The following HS6ST2 variants were observed in gnomAD, a reference collection of about 807,000 sequenced individuals.
The protein encoded by HS6ST2 is heparan-sulfate 6-O-sulfotransferase 2.
HS6ST2 carries 17 observed loss-of-function variants against 33.0 expected under a neutral mutation model. The observed-to-expected ratio is 0.52, with a 90% confidence interval of 0.35 to 0.77. The LOEUF (loss-of-function observed/expected upper bound fraction) is 0.77, where lower values mean the gene tolerates loss of function less well. HS6ST2 is among the 30% of genes least tolerant of loss of function. The probability of loss-of-function intolerance (pLI) is 0.01; values close to 1 mark genes in which losing one functional copy is unlikely to be tolerated. For missense variants in HS6ST2, 519 were observed against 551.7 expected (o/e 0.94, Z 0.59); for synonymous variants, 248 against 237.1 (o/e 1.05, Z -0.42).
At chrX:132,850,165 C>T (rs1416275058) in intron 2 of HS6ST2, among the ~76,000 whole-genome samples, 1 of 111,965 alleles carries the variant, frequency 8.9e-6, no homozygotes, top group East Asian at 2.8e-4. Context: ...TATAATGTTC[C>T]CTAAAAAGTT....
chrX:132,746,484 G>A (rs1039775151), intron 2 of HS6ST2, among the ~76,000 whole-genome samples: 2 of 110,260 alleles, frequency 1.8e-5, no homozygotes, highest in African/African-American at 6.6e-5. Context: ...GCAACAGAGC[G>A]AGACTCCGTC....
At chrX:132,823,853 A>AAATAATAATAATAATAATAATAATAAT (rs34008866) in intron 2 of HS6ST2, among the ~76,000 whole-genome samples, 1 of 92,542 alleles carries the variant, frequency 1.1e-5, no homozygotes, top group African/African-American at 4.0e-5. Flanking sequence ...ACTTCATAAA[A>AAATAATAATAATAATAATAATAATAAT]AATAATAATA....
At chrX:132,843,490 C>T (rs1488146548) in intron 2 of HS6ST2, among the ~76,000 whole-genome samples, 5 of 111,365 alleles carry the variant, frequency 4.5e-5, no homozygotes, top group African/African-American at 6.5e-5. Flanking sequence ...ATTTGGGCAT[C>T]AATGTGATGC....
intron 2 of HS6ST2, among the ~76,000 whole-genome samples, chrX:132,741,302 G>GTT (rs746132429): frequency 9.1e-4 from 88 of 96,974 alleles, no homozygotes; most frequent in African/African-American, 2.6e-3. Flanking sequence ...TTTTGGTTTT[G>GTT]TTTTTTTTTT....
chrX:132,807,548 T>C (rs1331193222), intron 2 of HS6ST2, among the ~76,000 whole-genome samples: 2 of 111,166 alleles, frequency 1.8e-5, no homozygotes, highest in Non-Finnish European at 3.8e-5. Context: ...CTTATTTCTG[T>C]CTTTACTCAA....
rs2063859712 is a variant in HS6ST2, at chrX:132,670,468, G to C, written c.981-1269C>G. Among the ~76,000 whole-genome samples the C allele has an allele frequency of 2.7e-5, 3 of 110,992 alleles. 1 individual carries two copies. The highest frequency in any genetic ancestry group is 1.9e-4 in the Admixed American group (2 of 10,391). On this transcript the variant is annotated intron_variant, in intron 3 of 4. Coordinates refer to ENST00000370833, the MANE Select transcript of HS6ST2 (RefSeq NM_001394073.1). ...GTGGGCATGGAAAAAGGCTGATCAG[G>C]AAAAGTCAGAGAGATAGCAACTGTC...
At chrX:132,830,862 A>G (rs1482884404) in intron 2 of HS6ST2, among the ~76,000 whole-genome samples, 4 of 111,637 alleles carry the variant, frequency 3.6e-5, no homozygotes, top group Non-Finnish European at 7.5e-5. Context: ...TTTTACACCC[A>G]GTGCAGGAAT....
chrX:132,877,297 C>G (rs939857047), intron 2 of HS6ST2, among the ~76,000 whole-genome samples: 1 of 112,232 alleles, frequency 8.9e-6, no homozygotes, highest in African/African-American at 3.2e-5. Flanking sequence ...GTCTATTTTA[C>G]AGATAAGAAA....
chrX:132,750,347 G>GA (rs1156312851), intron 2 of HS6ST2, among the ~76,000 whole-genome samples: 8,372 of 56,364 alleles, frequency 0.15, 839 homozygotes, highest in African/African-American at 0.33. Context: ...TGCCCATCAA[G>GA]AAAAAAAAAA....
chrX:132,676,832 C>T (rs1195588474), intron 3 of HS6ST2, among the ~76,000 whole-genome samples: 1 of 112,173 alleles, frequency 8.9e-6, no homozygotes, highest in East Asian at 2.8e-4. Flanking sequence ...AGAGAACAAT[C>T]AGCTGTATCC....
At chrX:132,938,118 T>C (rs1044823705) in intron 2 of HS6ST2, among the ~76,000 whole-genome samples, 3 of 104,355 alleles carry the variant, frequency 2.9e-5, no homozygotes, top group African/African-American at 1.1e-4. Flanking sequence ...GCCATGATCA[T>C]GCCACTGCAC....
In HS6ST2 at chrX:132,782,343, G is replaced by A. The variant is rs188632042; in HGVS notation, c.948-73849C>T. ...CTCAAAAGATCTCTGTCAGCGGCAT[G>A]GAAAACAGACTCATGCAGTGAAGCA... On this transcript the variant is annotated intron_variant, in intron 2 of 4. Transcript: ENST00000370833. Among the ~76,000 whole-genome samples the A allele has an allele frequency of 1.2e-3, 137 of 111,972 alleles. 1 individual carries two copies. The highest frequency in any genetic ancestry group is 4.1e-3 in the African/African-American group (125 of 30,864).
At chrX:132,794,911 T>G (rs1360282642) in intron 2 of HS6ST2, among the ~76,000 whole-genome samples, 1 of 110,298 alleles carries the variant, frequency 9.1e-6, no homozygotes, top group African/African-American at 3.3e-5. Flanking sequence ...CCCGAAGTAC[T>G]GGGGGCCACC....
At chrX:132,811,723 TA>T in intron 2 of HS6ST2, among the ~76,000 whole-genome samples, 1 of 92,396 alleles carries the variant, frequency 1.1e-5, no homozygotes, top group African/African-American at 3.9e-5. Flanking sequence ...TATATATATA[TA>T]TCACATTTTG....
intron 2 of HS6ST2, among the ~76,000 whole-genome samples, chrX:132,855,362 T>C (rs775188885): frequency 1.2e-4 from 14 of 112,471 alleles, no homozygotes; most frequent in Non-Finnish European, 2.2e-4. Flanking sequence ...ATAATGAAAC[T>C]GACTCTCAGA....
intron 4 of HS6ST2, among the ~76,000 whole-genome samples, chrX:132,630,110 A>G (rs2063507098): frequency 8.9e-6 from 1 of 112,269 alleles, no homozygotes; most frequent in Admixed American, 9.4e-5. Context: ...AATCAGGCAT[A>G]CTTAAGGAGA....
At chrX:132,837,369 G>A (rs774939443) in intron 2 of HS6ST2, among the ~76,000 whole-genome samples, 2 of 109,913 alleles carry the variant, frequency 1.8e-5, no homozygotes, top group East Asian at 2.9e-4. Flanking sequence ...GTAAATAGAC[G>A]CCATTCACGT....
In HS6ST2 at chrX:132,958,410, G is replaced by C. The variant is rs1400541829; in HGVS notation, c.193C>G (p.Arg65Gly). 1.7e-6 allele frequency: 2 copies of C among 1,198,347 alleles called. No homozygotes were observed. Among genetic ancestry groups the C allele is most frequent in the East Asian group, 6.0e-5 (2 of 33,504 alleles). Residue 65 changes from arginine (R) to glycine (G), a missense_variant, in exon 1 of 5, where the codon CGG (arginine) becomes GGG (glycine). Coordinates refer to ENST00000370833, the MANE Select transcript of HS6ST2 (RefSeq NM_001394073.1). ...TTTCGGGGCTTGTCCAGGAGCGGCC[G>C]GGTGTGGAATCCGTGAGACACACCC... ...PRGVSHGFHTRPLLDKPRKAS... is the reference protein window; with the variant it reads ...PRGVSHGFHTGPLLDKPRKAS...
chrX:132,628,500 C>G lies in HS6ST2; in HGVS notation c.1661G>C (p.Arg554Pro). The part of the protein sequence containing the change: ...QKEHQEARRK[R>P]QEQRKFLKGR... ...CTTCAGAAATTTGCGTTGTTCCTGA[C>G]GCTTTCGCCTGGCCTCCTGATGCTC... is the stretch of plus-strand genomic sequence containing the variant. Residue 554 changes from arginine (R) to proline (P), a missense_variant, in exon 5 of 5, where the codon CGT becomes CCT. Physicochemically the swap from Arg to Pro is moderately radical, Grantham distance 103. Coordinates refer to ENST00000370833, the MANE Select transcript of HS6ST2 (RefSeq NM_001394073.1). 8.3e-7 allele frequency: 1 copy of G among 1,211,145 alleles called. No individual in the cohort carries two copies. The highest frequency in any genetic ancestry group is 1.8e-5 in the South Asian group (1 of 56,952).
Sources: allele counts gnomAD v4.1 joint callset (sites outside exome capture counted in the v4.1 genomes callset), GRCh38; gene constraint gnomAD v4.1.1; transcripts MANE v1.5; gene names NCBI Gene and HGNC (gene_info 2026-07-23, HGNC 2026-07-21).